The following ANK3 variants were observed in gnomAD, a reference collection of about 807,000 sequenced individuals.
ANK3 encodes ankyrin-3.
A neutral mutation model predicts 370.9 loss-of-function variants in ANK3; 57 were observed. That is an observed-to-expected ratio of 0.15 (90% confidence interval 0.12 to 0.19). The LOEUF (loss-of-function observed/expected upper bound fraction) is 0.19. ANK3 is among the 10% of genes least tolerant of loss of function. The probability of loss-of-function intolerance (pLI) is 1.00; values close to 1 mark genes in which losing one functional copy is unlikely to be tolerated. For synonymous variants in ANK3, 1,929 were observed against 1,946.3 expected, an observed-to-expected ratio of 0.99 and a Z score of 0.23; for missense variants, 4,439 against 5,302.1, an observed-to-expected ratio of 0.84 and a Z score of 5.06.
chr10:60,292,240 A>G (rs2041568243), intron 1 of ANK3, among the ~76,000 whole-genome samples: 1 of 152,180 alleles, frequency 6.6e-6, no homozygotes, highest in Non-Finnish European at 1.5e-5. Flanking sequence ...CCATTTCTGA[A>G]AAGTATGTTT....
intron 1 of ANK3, among the ~76,000 whole-genome samples, chr10:60,721,060 T>A (rs2079856347): frequency 6.6e-6 from 1 of 152,190 alleles, no homozygotes; most frequent in East Asian, 1.9e-4. Flanking sequence ...TATAAAAATA[T>A]CCAATTAGTA....
chr10:60,084,360 C>T (rs1414541375), intron 32 of ANK3: 3 of 180,568 alleles, frequency 1.7e-5, no homozygotes, highest in East Asian at 1.3e-4. Context: ...AAGCTGAGAC[C>T]GCGCCACTGC....
chr10:60,519,432 A>T (rs2076299466), intron 2 of ANK3, among the ~76,000 whole-genome samples: 3 of 152,162 alleles, frequency 2.0e-5, no homozygotes, highest in Admixed American at 2.0e-4. Flanking sequence ...GATAAATGAC[A>T]ATATGTCCCA....
Position 60,235,005 on chromosome 10 carries a change from A to C in ANK3, c.799-219T>G, listed in dbSNP as rs534421843. 4.6e-5 allele frequency among the ~76,000 whole-genome samples: 7 copies of C among 152,322 alleles called. No homozygotes were observed. In the East Asian group the frequency reaches 9.6e-4, roughly 21 times the overall value. ...AATCTGTGAGGCAGGGTCCAAGTTA[A>C]TTTATTTCAATCACTTGAGGTGACT... On this transcript the variant is annotated intron_variant, in intron 7 of 43. Coordinates refer to ENST00000280772, the MANE Select transcript of ANK3 (RefSeq NM_020987.5).
intron 1 of ANK3, among the ~76,000 whole-genome samples, chr10:60,641,701 C>G (rs1364882664): frequency 6.6e-6 from 1 of 152,106 alleles, no homozygotes; most frequent in African/African-American, 2.4e-5. Context: ...TAGGCATTAC[C>G]ATTCAAGACA....
chr10:60,254,330 G>A (rs1233436648), intron 7 of ANK3, among the ~76,000 whole-genome samples: 1 of 151,588 alleles, frequency 6.6e-6, no homozygotes, highest in African/African-American at 2.4e-5. Context: ...TTAAACATAT[G>A]TTTGCAAATG....
chr10:60,304,800 T>A (rs1378454328), intron 1 of ANK3, among the ~76,000 whole-genome samples: 2 of 152,212 alleles, frequency 1.3e-5, no homozygotes, highest in East Asian at 3.8e-4. Context: ...AGGTTGTTCA[T>A]TATTCACTGC....
chr10:60,097,223 G>A (rs1446568714), intron 28 of ANK3, among the ~76,000 whole-genome samples: 1 of 152,190 alleles, frequency 6.6e-6, no homozygotes, highest in Non-Finnish European at 1.5e-5. Context: ...TTAGAACCTA[G>A]GTCTAGGAAA....
intron 2 of ANK3, among the ~76,000 whole-genome samples, chr10:60,429,388 G>C (rs903801676): frequency 6.6e-6 from 1 of 152,132 alleles, no homozygotes; most frequent in Non-Finnish European, 1.5e-5. Context: ...AGGAGAAAAA[G>C]GGGGAAAAGA....
chr10:60,615,224 C>T, exon 2 of ANK3: 1 of 1,511,650 alleles, frequency 6.6e-7, no homozygotes. Flanking sequence ...CCAAAGCCAC[C>T]CTAAAAAAGT....
At chr10:60,034,774 C>T (rs1296435977) in intron 43 of ANK3, among the ~76,000 whole-genome samples, 1 of 152,086 alleles carries the variant, frequency 6.6e-6, no homozygotes, top group Non-Finnish European at 1.5e-5. Flanking sequence ...TGTTTCTCTC[C>T]CTACCCACCT....
At chr10:60,400,009 AGTGTGTGTGTGTGT>A (rs60224309) in intron 2 of ANK3, among the ~76,000 whole-genome samples, 68 of 145,988 alleles carry the variant, frequency 4.7e-4, no homozygotes, top group African/African-American at 1.0e-3. Flanking sequence ...CCTCCAATAC[AGTGTGTGTGTGTGT>A]GTGTGTGTGT....
intron 2 of ANK3, among the ~76,000 whole-genome samples, chr10:60,561,578 C>T (rs955405042): frequency 4.6e-5 from 7 of 152,222 alleles, no homozygotes; most frequent in South Asian, 2.1e-4. Context: ...AAATATTTTT[C>T]GTGACGTTTA....
rs1377645515 is a variant in ANK3 at position 60,027,288 on chromosome 10, T to TTTG, written c.*2557_*2558insCAA. ...TTACAGAGAGGCATTTTGGGAAAGTTTTTTTTTTTTTTTTTTTTTAAAAAA... is the reference window on the plus strand; with the variant it reads ...TTACAGAGAGGCATTTTGGGAAAGTTTTGTTTTTTTTTTTTTTTTTTTAAAAAA... On this transcript the variant is annotated 3_prime_UTR_variant, in exon 44 of 44. Transcript: ENST00000280772. 2 of 142,562 alleles carry TTTG rather than the reference T, an allele frequency of 1.4e-5. No homozygotes were observed. The highest frequency in any genetic ancestry group is 2.6e-5 in the African/African-American group (1 of 38,976). The allele number at this position is 142,562 out of a possible 1,614,324, so 8.8% of individuals were successfully genotyped here.
chr10:60,723,960 C>T (rs1178047481), intron 1 of ANK3, among the ~76,000 whole-genome samples: 1 of 151,386 alleles, frequency 6.6e-6, no homozygotes, highest in Non-Finnish European at 1.5e-5. Flanking sequence ...CCTGTAATCC[C>T]AGCACTTTGG....
At chr10:60,404,799 TA>T (rs762364651) in intron 2 of ANK3, among the ~76,000 whole-genome samples, 4 of 151,982 alleles carry the variant, frequency 2.6e-5, no homozygotes, top group Non-Finnish European at 4.4e-5. Context: ...TGGAAGAAAA[TA>T]TTTTCAAGAA....
chr10:60,350,819 G>A (rs1481027796), intron 1 of ANK3, among the ~76,000 whole-genome samples: 3 of 152,192 alleles, frequency 2.0e-5, no homozygotes, highest in Non-Finnish European at 2.9e-5. Flanking sequence ...TGGCTCACCA[G>A]GTGGACAAAG....
intron 23 of ANK3, among the ~76,000 whole-genome samples, chr10:60,153,554 T>A (rs1010204395): frequency 2.6e-5 from 4 of 152,140 alleles, no homozygotes; most frequent in African/African-American, 9.7e-5. Context: ...AGACACTATT[T>A]TCAAGGGGTA....
rs889619061 is a variant in ANK3, at chr10:60,583,820, G to A, written c.96+31366C>T. Among the ~76,000 whole-genome samples, 5 of 151,920 alleles carry A rather than the reference G, an allele frequency of 3.3e-5. No individual in the cohort carries two copies. The East Asian group carries it at 5.8e-4, about 18-fold the overall frequency. ...AGATTGGTCTCGAACTCCTGACCTC[G>A]TGATCCACCTGCCTTGACCTCCCAA... On this transcript the variant is annotated intron_variant, in intron 2 of 43. Coordinates refer to the ANK3 transcript ENST00000373827.
Sources: allele counts gnomAD v4.1 joint callset (sites outside exome capture counted in the v4.1 genomes callset), GRCh38; gene constraint gnomAD v4.1.1; transcripts MANE v1.5; gene names NCBI Gene and HGNC (gene_info 2026-07-23, HGNC 2026-07-21).